FAM178B: variants seen among roughly 807,000 people sequenced by gnomAD.
FAM178B encodes family with sequence similarity 178 member B, also known as protein FAM178B.
FAM178B carries 82 observed loss-of-function variants against 91.7 expected under a neutral mutation model. The ratio of observed to expected loss-of-function variants is 0.89; its 90% CI spans 0.75 to 1.07. The LOEUF is 1.07. FAM178B is among the 50% of genes least tolerant of loss of function. The pLI is 0.00. For synonymous variants in FAM178B, 368 were observed against 359.4 expected (o/e 1.02, Z -0.27); for missense variants, 769 against 846.7 (o/e 0.91, Z 1.14).
intron 12 of FAM178B, among the ~76,000 whole-genome samples, chr2:96,914,258 A>G (rs548722796): frequency 3.3e-5 from 5 of 152,328 alleles, no homozygotes; most frequent in African/African-American, 1.2e-4. Flanking sequence ...TCATTTGGAA[A>G]AAAGGATCAG....
chr2:96,970,520 G>A (rs2082203023), intron 4 of FAM178B, among the ~76,000 whole-genome samples, 196 bp downstream of exon 4: 1 of 152,182 alleles, frequency 6.6e-6, no homozygotes, highest in African/African-American at 2.4e-5. Context: ...GTTCGTGGTG[G>A]GAGTCTGGGG....
intron 8 of FAM178B, among the ~76,000 whole-genome samples, chr2:96,935,395 A>C (rs1288696688): frequency 1.3e-5 from 2 of 152,074 alleles, no homozygotes; most frequent in African/African-American, 4.8e-5. Context: ...GTAGAGGCCC[A>C]GCTATTACGG....
intron 1 of FAM178B, among the ~76,000 whole-genome samples, chr2:96,985,946 T>C (rs539595978): frequency 6.6e-6 from 1 of 152,004 alleles, no homozygotes; most frequent in Non-Finnish European, 1.5e-5. Flanking sequence ...TGGGGAACAT[T>C]AAAAATCAAA....
chr2:96,914,613 G>A (rs2081211853), intron 12 of FAM178B, among the ~76,000 whole-genome samples: 1 of 152,192 alleles, frequency 6.6e-6, no homozygotes. Flanking sequence ...CAAGGGCTGG[G>A]CACTGTGGCT....
intron 14 of FAM178B, among the ~76,000 whole-genome samples, chr2:96,884,460 TG>T (rs1219087011): frequency 2.0e-5 from 3 of 152,196 alleles, no homozygotes; most frequent in African/African-American, 7.2e-5. Context: ...CTTTGCAGGC[TG>T]GGCCCCCGGG....
chr2:96,960,476 C>G, intron 5 of FAM178B, 36 bp from the exon 6 acceptor site: 1 of 1,509,082 alleles, frequency 6.6e-7, no homozygotes, highest in East Asian at 2.5e-5. Flanking sequence ...CGGGCATCAG[C>G]AGATGCACCT....
intron 8 of FAM178B, among the ~76,000 whole-genome samples, chr2:96,931,262 C>T (rs1375482427): frequency 6.6e-6 from 1 of 152,174 alleles, no homozygotes; most frequent in African/African-American, 2.4e-5. Flanking sequence ...GCACACTCCA[C>T]TGTGTTCAGG....
At chr2:96,976,098 T>C (rs999617415) in intron 1 of FAM178B, among the ~76,000 whole-genome samples, 1 of 121,650 alleles carries the variant, frequency 8.2e-6, no homozygotes, top group Non-Finnish European at 1.7e-5. Context: ...AAAACAATTC[T>C]TTTTTTTTTT....
intron 7 of FAM178B, among the ~76,000 whole-genome samples, chr2:96,948,567 G>C (rs1422128471): frequency 2.0e-5 from 3 of 152,212 alleles, no homozygotes; most frequent in Admixed American, 6.5e-5. Context: ...GGTGCCATCT[G>C]GTCTAGGGGC....
At chr2:96,974,607 C>T (rs1470060989) in intron 1 of FAM178B, among the ~76,000 whole-genome samples, 1 of 151,990 alleles carries the variant, frequency 6.6e-6, no homozygotes, top group Non-Finnish European at 1.5e-5. Flanking sequence ...AAACATGATT[C>T]AACTACATTA....
intron 8 of FAM178B, among the ~76,000 whole-genome samples, chr2:96,946,321 C>T (rs2081827729): frequency 1.3e-5 from 2 of 152,176 alleles, no homozygotes; most frequent in African/African-American, 4.8e-5. Flanking sequence ...CGGGTGGACA[C>T]TTGGGTTGCT....
chr2:96,877,250 A>G (rs1157089338), intron 16 of FAM178B, among the ~76,000 whole-genome samples: 1 of 152,194 alleles, frequency 6.6e-6, no homozygotes, highest in East Asian at 1.9e-4. Flanking sequence ...CCACAGCACA[A>G]GTGAACAGCT....
intron 1 of FAM178B, among the ~76,000 whole-genome samples, chr2:96,981,953 A>C (rs2082368599): frequency 6.6e-6 from 1 of 151,860 alleles, no homozygotes; most frequent in Non-Finnish European, 1.5e-5. Flanking sequence ...CTGCAGTACC[A>C]GCTACTTGGG....
intron 12 of FAM178B, among the ~76,000 whole-genome samples, chr2:96,912,610 G>C (rs1053880003): frequency 1.3e-5 from 2 of 152,146 alleles, no homozygotes; most frequent in African/African-American, 4.8e-5. Context: ...TGTCTCCTCA[G>C]CTCCTGGCCC....
At chr2:96,980,597 C>A (rs2082348764) in intron 1 of FAM178B, among the ~76,000 whole-genome samples, 1 of 151,256 alleles carries the variant, frequency 6.6e-6, no homozygotes, top group African/African-American at 2.4e-5. Flanking sequence ...AGGTGGAGGT[C>A]TTTCTATGTT....
At chr2:96,925,668 C>T (rs1252519887) in intron 9 of FAM178B, among the ~76,000 whole-genome samples, 1 of 152,142 alleles carries the variant, frequency 6.6e-6, no homozygotes, top group African/African-American at 2.4e-5. Context: ...ACTGGTCCCA[C>T]GCCTGGCTCC....
chr2:96,931,119 A>G (rs111924144), intron 8 of FAM178B, among the ~76,000 whole-genome samples: 1 of 152,334 alleles, frequency 6.6e-6, no homozygotes, highest in Non-Finnish European at 1.5e-5. Context: ...TCCAGAAGGC[A>G]GATGTTAAAT....
rs557650714 is a variant in FAM178B at position 96,940,373 on chromosome 2, G to A, written c.1078+7445C>T. On this transcript the variant is annotated intron_variant, in intron 8 of 16. Coordinates refer to ENST00000490605, the MANE Select transcript of FAM178B (RefSeq NM_001122646.3). ...CCACTCCAGGGGCTCTGACTGGCTCGCTTCCCACCTCCTGCAGCAGGAGGC... is the reference window on the plus strand; with the variant it reads ...CCACTCCAGGGGCTCTGACTGGCTCACTTCCCACCTCCTGCAGCAGGAGGC... Among the ~76,000 whole-genome samples the A allele has an allele frequency of 1.1e-4, 17 of 152,314 alleles. No homozygotes were observed. The East Asian group carries it at 3.1e-3, about 28-fold the overall frequency.
chr2:96,980,138 C>T (rs549162566), intron 1 of FAM178B, among the ~76,000 whole-genome samples: 1 of 146,970 alleles, frequency 6.8e-6, no homozygotes, highest in Admixed American at 6.8e-5. Flanking sequence ...CAGTAGTGCG[C>T]AATCTTGGCT....
Sources: gnomAD v4.1 joint callset for allele counts (sites outside exome capture counted in the v4.1 genomes callset) on GRCh38, gnomAD v4.1.1 for gene constraint, MANE v1.5 for transcripts, NCBI Gene and HGNC (gene_info 2026-07-23, HGNC 2026-07-21) for gene names.